ANKRD30B: variants seen among roughly 807,000 people sequenced by gnomAD.
The protein encoded by ANKRD30B is ankyrin repeat domain 30B.
In ANKRD30B, 144 loss-of-function variants were observed where a neutral mutation model predicts 202.2. That is an observed-to-expected ratio of 0.71 (90% CI 0.62 to 0.82). The LOEUF (loss-of-function observed/expected upper bound fraction) is 0.82, where lower values mean the gene tolerates loss of function less well. Ranked by LOEUF, ANKRD30B falls within the 40% of genes least tolerant of loss-of-function variation. The pLI, the probability that ANKRD30B is intolerant of heterozygous loss-of-function variation, is 0.00. For synonymous variants in ANKRD30B, 508 were observed against 561.3 expected, an observed-to-expected ratio of 0.91 and a Z score of 1.34; for missense variants, 1,487 against 1,669.1, an observed-to-expected ratio of 0.89 and a Z score of 1.90.
At chr18:14,865,332 C>T in the ANKRD30B span, among the ~76,000 whole-genome samples, 2 of 151,330 alleles carry the variant, frequency 1.3e-5, no homozygotes, top group Non-Finnish European at 2.9e-5. Flanking sequence ...GCTTGCCACT[C>T]TCTCTTCCCC....
At chr18:14,923,301 C>T in the ANKRD30B span, among the ~76,000 whole-genome samples, 2 of 152,192 alleles carry the variant, frequency 1.3e-5, no homozygotes, top group African/African-American at 2.4e-5. Flanking sequence ...AGTCCTAGGC[C>T]TGGCAGCATT....
At chr18:14,852,534 C>G in intron 42 of ANKRD30B, 114 bp downstream of exon 42, 1 of 1,284,814 alleles carries the variant, frequency 7.8e-7, no homozygotes, top group East Asian at 2.7e-5. Flanking sequence ...AATGTACTTA[C>G]TATATCAGCT....
the ANKRD30B span, among the ~76,000 whole-genome samples, chr18:14,879,816 G>T: frequency 6.6e-6 from 1 of 151,978 alleles, no homozygotes. Context: ...GTCAGGGTCA[G>T]GGGTCCCACT....
chr18:14,917,711 A>G, the ANKRD30B span, among the ~76,000 whole-genome samples: 1 of 152,216 alleles, frequency 6.6e-6, no homozygotes, highest in South Asian at 2.1e-4. Flanking sequence ...AATGTTCCTC[A>G]GGGATGAGAC....
At chr18:14,924,107 C>T in the ANKRD30B span, among the ~76,000 whole-genome samples, 1 of 152,234 alleles carries the variant, frequency 6.6e-6, no homozygotes, top group Non-Finnish European at 1.5e-5. Context: ...TCACCTCTGA[C>T]ACTTGCTTAA....
At chr18:14,797,983 C>T (rs35573425) in intron 20 of ANKRD30B, 129 bp downstream of exon 20, 1 of 944,330 alleles carries the variant, frequency 1.1e-6, no homozygotes, top group Non-Finnish European at 1.6e-6. Flanking sequence ...CAAATAATGC[C>T]AATGTTAGTA....
At chr18:14,850,474 G>C (rs1418878992) in intron 41 of ANKRD30B, 92 bp downstream of exon 41, 15 of 1,245,512 alleles carry the variant, frequency 1.2e-5, no homozygotes, top group Middle Eastern at 2.1e-4. Context: ...GTGTTATTCA[G>C]GTCTAAATCA....
Position 14,828,318 on chromosome 18 carries a change from T to A in ANKRD30B, c.2774+10T>A, listed in dbSNP as rs1266880023. The A allele has an allele frequency of 6.5e-7, 1 of 1,531,402 alleles. No individual in the cohort carries two copies. The highest frequency in any genetic ancestry group is 1.2e-5 in the South Asian group (1 of 80,688). The allele number at this position is 1,531,402 out of a possible 1,614,324, so 94.9% of individuals were successfully genotyped here. ...TAGAGTCCACATTCAGGTAAGACTT[T>A]GCGGTTTTTTAAAACGTATATGTTA... On this transcript the variant is annotated intron_variant, in intron 33 of 43. Transcript: ENST00000690538.
At chr18:14,901,188 A>C in the ANKRD30B span, among the ~76,000 whole-genome samples, 1 of 152,216 alleles carries the variant, frequency 6.6e-6, no homozygotes, top group Non-Finnish European at 1.5e-5. Context: ...AACCATGGCT[A>C]TTCTGTCTTT....
the ANKRD30B span, among the ~76,000 whole-genome samples, chr18:14,880,566 G>GTTTT: frequency 4.9e-3 from 628 of 128,716 alleles, 3 homozygotes; most frequent in African/African-American, 0.017. Context: ...TTCTTTCTTG[G>GTTTT]TTTTTTTTTT....
chr18:14,770,438 T>C (rs536236331), intron 8 of ANKRD30B, among the ~76,000 whole-genome samples: 1 of 152,292 alleles, frequency 6.6e-6, no homozygotes, highest in Non-Finnish European at 1.5e-5. Context: ...ACTCTTGTTT[T>C]TATATCATCA....
chr18:14,795,030 T>C (rs1968779386), intron 16 of ANKRD30B, among the ~76,000 whole-genome samples: 1 of 152,214 alleles, frequency 6.6e-6, no homozygotes, highest in Admixed American at 6.5e-5. Context: ...ACTCACATGG[T>C]ATAACAAATA....
chr18:14,864,534 C>T, the ANKRD30B span, among the ~76,000 whole-genome samples: 2,079 of 152,046 alleles, frequency 0.014, 51 homozygotes, highest in African/African-American at 0.047. Flanking sequence ...CATTTTTTCC[C>T]CACTGTCTTT....
the ANKRD30B span, chr18:14,910,165 G>T: frequency 0.53 from 79,993 of 151,906 alleles, 21,378 homozygotes; most frequent in African/African-American, 0.6. Flanking sequence ...GAGTGGTGAA[G>T]TCTAGGCCTA....
At chr18:14,852,461 A>G in intron 42 of ANKRD30B, 41 bp downstream of exon 42, 2 of 1,498,654 alleles carry the variant, frequency 1.3e-6, no homozygotes, top group Non-Finnish European at 1.8e-6. Context: ...AACTTCCTGA[A>G]AGAAAGTGGC....
At chr18:14,790,884 A>T (rs1443711954) in intron 15 of ANKRD30B, among the ~76,000 whole-genome samples, 1 of 152,104 alleles carries the variant, frequency 6.6e-6, no homozygotes, top group African/African-American at 2.4e-5. Flanking sequence ...TGGCTTTGGT[A>T]TCAGGATGAT....
intron 7 of ANKRD30B, among the ~76,000 whole-genome samples, chr18:14,766,638 C>T (rs1225875043): frequency 6.6e-6 from 1 of 151,942 alleles, no homozygotes; most frequent in Non-Finnish European, 1.5e-5. Context: ...TTGGTTTATA[C>T]GTATTTCTAG....
At chr18:14,784,639 G>A in intron 14 of ANKRD30B, 104 bp downstream of exon 14, 1 of 1,311,562 alleles carries the variant, frequency 7.6e-7, no homozygotes, top group Non-Finnish European at 1.0e-6. Flanking sequence ...TTGATGAAAA[G>A]ATTTGATCTA....
the ANKRD30B span, among the ~76,000 whole-genome samples, chr18:14,918,450 T>TG: frequency 6.6e-6 from 1 of 152,186 alleles, no homozygotes; most frequent in Non-Finnish European, 1.5e-5. Flanking sequence ...CCTTTTCTTA[T>TG]GCCCCACAGA....
Sources: gnomAD v4.1 joint callset for allele counts (sites outside exome capture counted in the v4.1 genomes callset) on GRCh38, gnomAD v4.1.1 for gene constraint, MANE v1.5 for transcripts, NCBI Gene and HGNC (gene_info 2026-07-23, HGNC 2026-07-21) for gene names.